The following FBN3 variants were observed in gnomAD, a reference collection of about 807,000 sequenced individuals.
The protein encoded by FBN3 is fibrillin 3.
In FBN3, 234 loss-of-function variants were observed where a neutral mutation model predicts 330.1. That is an observed-to-expected ratio of 0.71 (90% confidence interval 0.64 to 0.79). The LOEUF is 0.79. Among genes scored for constraint, FBN3 ranks in the 30% least tolerant of loss-of-function variants. The pLI, the probability that FBN3 is intolerant of heterozygous loss-of-function variation, is 0.00. For synonymous variants in FBN3, 1,458 were observed against 1,517.3 expected (o/e 0.96, Z 0.91); for missense variants, 3,606 against 3,886.9 (o/e 0.93, Z 1.92).
intron 41 of FBN3, 27 bp from the exon 42 acceptor site, chr19:8,097,441 C>A: frequency 6.4e-7 from 1 of 1,571,392 alleles, no homozygotes; most frequent in Admixed American, 1.7e-5. Flanking sequence ...CCATCAGGGG[C>A]AGCCCAGCCC....
chr19:8,111,616 G>T, intron 32 of FBN3, 32 bp downstream of exon 32: 1 of 1,462,350 alleles, frequency 6.8e-7, no homozygotes, highest in Non-Finnish European at 9.4e-7. Context: ...TGTCCCTCTA[G>T]GGCCCCTGCC....
intron 16 of FBN3, among the ~76,000 whole-genome samples, chr19:8,130,580 G>GAAAGAAAA (rs1176759655): frequency 2.0e-3 from 12 of 6,034 alleles, no homozygotes; most frequent in South Asian, 4.5e-3. Context: ...AAGAAAGAAA[G>GAAAGAAAA]AATGAAAGAA....
chr19:8,119,813 CTTTTTTTTTTTTT>C (rs869084219), intron 25 of FBN3, among the ~76,000 whole-genome samples: 2 of 48,782 alleles, frequency 4.1e-5, no homozygotes, highest in African/African-American at 9.4e-5. Context: ...CGAGCCCAGC[CTTTTTTTTTTTTT>C]TTTTTTTTTT....
At chr19:8,086,371 G>T in intron 54 of FBN3, 46 bp from the exon 55 acceptor site, 1 of 1,537,074 alleles carries the variant, frequency 6.5e-7, no homozygotes, top group Non-Finnish European at 8.9e-7. Flanking sequence ...GCCACAGGCA[G>T]CCAGCCTCTC....
Position 8,131,833 on chromosome 19 carries a change from C to A in FBN3, c.1715-4G>T. 1 of 1,579,948 alleles carries A rather than the reference C, an allele frequency of 6.3e-7. No individual in the cohort carries two copies. The highest frequency in any genetic ancestry group is 8.6e-7 in the Non-Finnish European group (1 of 1,157,662). On this transcript the variant is annotated splice_polypyrimidine_tract_variant and splice_region_variant and intron_variant, in intron 14 of 63. Coordinates refer to ENST00000600128, the MANE Select transcript of FBN3 (RefSeq NM_032447.5). This position sits in a 1 kb window ranked among gnomAD's most constrained non-coding sequence, Gnocchi z 4.5. ...GGCGTCTGGCACTCGTCAATGTCTG[C>A]AGAAGCAGTGGCGGCACGGGGATGG...
chr19:8,126,780 C>G lies in FBN3; in HGVS notation c.2349G>C (p.Leu783=), dbSNP rs1233280269. 1 of 1,591,074 alleles carries G rather than the reference C, an allele frequency of 6.3e-7. No individual in the cohort carries two copies. Among genetic ancestry groups the G allele is most frequent in the Non-Finnish European group, 8.5e-7 (1 of 1,170,304 alleles). The change falls in exon 19 of 64, where the codon CTG becomes CTC. Residue 783 remains leucine, a synonymous_variant. Transcript: ENST00000600128. ...SPCVSGVCRN[L]AGSYTCKCGP... ...CACATTTGCAGGTGTAGGAGCCGGCCAGGTTCCGACAGACGCCACTCACAC... is the reference window on the plus strand; with the variant it reads ...CACATTTGCAGGTGTAGGAGCCGGCGAGGTTCCGACAGACGCCACTCACAC...
At chr19:8,148,234 C>T (rs2083596691) in intron 1 of FBN3, among the ~76,000 whole-genome samples, 1 of 152,092 alleles carries the variant, frequency 6.6e-6, no homozygotes. Flanking sequence ...CACCCTTAGC[C>T]GCAAGACCCT....
chr19:8,135,936 G>GGGTCCCCCCCC, intron 13 of FBN3, 25 bp downstream of exon 13: 1 of 668,778 alleles, frequency 1.5e-6, no homozygotes, highest in Non-Finnish European at 2.4e-6. Flanking sequence ...GGAAGCCCCT[G>GGGTCCCCCCCC]CCCACCCGCC....
In FBN3 at chr19:8,121,504, A is replaced by G. The variant is rs545975425; in HGVS notation, c.3083-118T>C. 6 of 1,042,954 alleles carry G rather than the reference A, an allele frequency of 5.8e-6. No homozygotes were observed. The highest frequency in any genetic ancestry group is 5.7e-5 in the South Asian group (3 of 53,092). 64.6% of individuals were successfully genotyped at this position (1,042,954 alleles called of 1,614,324 possible). On this transcript the variant is annotated intron_variant, in intron 24 of 63. Coordinates refer to ENST00000600128, the MANE Select transcript of FBN3 (RefSeq NM_032447.5). This position sits in a 1 kb window ranked among gnomAD's most constrained non-coding sequence, Gnocchi z 4.5. ...GGCTAGAGGAAGCCCATCTGCAGAC[A>G]TAAGGAGGCACAGGCCAAGAGGGGA... is the stretch of plus-strand genomic sequence containing the variant.
rs757625561 is a variant in FBN3, at chr19:8,136,302, G to A, written c.1353C>T (p.Asp451=). ...GGTGGCAGGGGCTGCTGGTGCATTCGTCTACATCTGAGGGGAGAGGACCCT... is the reference window on the plus strand; with the variant it reads ...GGTGGCAGGGGCTGCTGGTGCATTCATCTACATCTGAGGGGAGAGGACCCT... ...QDVRGECIDV[D]ECTSSPCHHG... The change falls in exon 12 of 64, where the codon GAC becomes GAT. Residue 451 remains aspartate (D), a synonymous_variant. Coordinates refer to ENST00000600128, the MANE Select transcript of FBN3 (RefSeq NM_032447.5). 8 of 1,601,850 alleles carry A rather than the reference G, an allele frequency of 5.0e-6. No homozygotes were observed. Among genetic ancestry groups the A allele is most frequent in the East Asian group, 4.5e-5 (2 of 44,814 alleles).
intron 40 of FBN3, among the ~76,000 whole-genome samples, chr19:8,102,317 C>T (rs994540796): frequency 2.6e-5 from 4 of 151,978 alleles, no homozygotes; most frequent in East Asian, 3.9e-4. Flanking sequence ...CGGGTTCAAG[C>T]GATTCTCTTG....
At chr19:8,117,393 A>G in intron 27 of FBN3, 71 bp downstream of exon 27, 1 of 1,547,354 alleles carries the variant, frequency 6.5e-7, no homozygotes, top group East Asian at 2.4e-5. Context: ...TGAGGTGAGG[A>G]CAGGAGGAGC....
rs1303252135 is a variant in FBN3 at position 8,105,976 on chromosome 19, C to CA, written c.4813+131dup. The CA allele has an allele frequency of 2.9e-6, 3 of 1,045,134 alleles. No individual in the cohort carries two copies. The East Asian group carries it at 7.7e-5, about 27-fold the overall frequency. The allele number at this position is 1,045,134 out of a possible 1,614,324, so 64.7% of individuals were successfully genotyped here. ...GCAAGAGAGAACTGACAGATCATGA[C>CA]AAAAGAGGAGGCAGGGGGCAGAAGC... is the stretch of plus-strand genomic sequence containing the variant. On this transcript the variant is annotated intron_variant, in intron 38 of 63. Coordinates refer to ENST00000600128, the MANE Select transcript of FBN3 (RefSeq NM_032447.5).
In FBN3 at chr19:8,117,511, G is replaced by C. The variant is rs1400409319; in HGVS notation, c.3416C>G (p.Ser1139Cys). 1.3e-5 allele frequency: 21 copies of C among 1,559,562 alleles called. No homozygotes were observed. In the Admixed American group the frequency reaches 1.5e-4, roughly 11 times the overall value. Reference protein sequence around the residue: ...CVNVIGAFQCSCHAGFQSTPD... With the variant: ...CVNVIGAFQCCCHAGFQSTPD... Reference sequence around the variant, plus strand: ...TGTGCTCTGGAAGCCGGCATGGCAGGAGCACTGGAAGGCACCGATGACATT... The same window carrying C: ...TGTGCTCTGGAAGCCGGCATGGCAGCAGCACTGGAAGGCACCGATGACATT... Residue 1139 changes from serine (S) to cysteine (C), a missense_variant, in exon 27 of 64, where the codon TCC becomes TGC. Physicochemically the swap from Ser to Cys is moderately radical, Grantham distance 112. Transcript: ENST00000600128.
At position 8,096,600 on chromosome 19, in the gene FBN3, GGCTCCTACCACAGT is replaced by G; in HGVS notation, c.5414-45_5414-32del. On this transcript the variant is annotated intron_variant, in intron 43 of 63. Coordinates refer to ENST00000600128, the MANE Select transcript of FBN3 (RefSeq NM_032447.5). The surrounding 1 kb of genome is among the most constrained non-coding windows in gnomAD (Gnocchi z 4.6). ...GGTGCAGAGAGCATGGTGTTCCCAGGGCTCCTACCACAGTGTTTGCCTGAGCTCTCCCTACTGCA... is the reference window on the plus strand; with the variant it reads ...GGTGCAGAGAGCATGGTGTTCCCAGGGTTTGCCTGAGCTCTCCCTACTGCA... 1 of 1,585,430 alleles carries G rather than the reference GGCTCCTACCACAGT, an allele frequency of 6.3e-7. No individual in the cohort carries two copies. The highest frequency in any genetic ancestry group is 2.2e-5 in the East Asian group (1 of 44,568).
intron 22 of FBN3, 82 bp from the exon 23 acceptor site, chr19:8,124,090 A>G (rs2082921309): frequency 4.1e-6 from 5 of 1,222,390 alleles, no homozygotes; most frequent in South Asian, 1.3e-5. Context: ...AGTCACTCCC[A>G]TCGGAAACTT....
intron 3 of FBN3, 22 bp downstream of exon 3, chr19:8,147,082 T>G (rs765204539): frequency 5.2e-6 from 8 of 1,542,756 alleles, no homozygotes; most frequent in Non-Finnish European, 7.0e-6. Flanking sequence ...CCCCCCCACC[T>G]CCAGACGGCG....
chr19:8,122,630 G>A (rs1210868985), intron 24 of FBN3, among the ~76,000 whole-genome samples: 1 of 150,854 alleles, frequency 6.6e-6, no homozygotes, highest in East Asian at 1.9e-4. Context: ...GCCTCCCAAA[G>A]TGCTGGGATT....
intron 39 of FBN3, among the ~76,000 whole-genome samples, chr19:8,103,297 G>T (rs1260223218): frequency 6.7e-6 from 1 of 150,304 alleles, no homozygotes; most frequent in Non-Finnish European, 1.5e-5. Flanking sequence ...ATTACTGGCT[G>T]GCTTGATTGG....
Sources: allele counts gnomAD v4.1 joint callset (sites outside exome capture counted in the v4.1 genomes callset), GRCh38; gene constraint gnomAD v4.1.1; non-coding constraint Gnocchi (gnomAD v3.1); transcripts MANE v1.5; gene names NCBI Gene and HGNC (gene_info 2026-07-23, HGNC 2026-07-21).